TUBG2: variants seen among roughly 807,000 people sequenced by gnomAD.
TUBG2 encodes the protein tubulin gamma-2 chain.
In TUBG2, 39 loss-of-function variants were observed where a neutral mutation model predicts 55.1. The ratio of observed to expected loss-of-function variants is 0.71; its 90% CI spans 0.55 to 0.93. TUBG2 has a LOEUF of 0.93. Ranked by LOEUF, TUBG2 falls within the 40% of genes least tolerant of loss-of-function variation. TUBG2 has a pLI of 0.00. For missense variants in TUBG2, 358 were observed against 599.1 expected, an observed-to-expected ratio of 0.60 and a Z score of 4.20; for synonymous variants, 223 against 241.0, an observed-to-expected ratio of 0.93 and a Z score of 0.69.
intron 6 of TUBG2, among the ~76,000 whole-genome samples, chr17:42,664,874 T>C (rs1387947212): frequency 2.2e-5 from 3 of 137,534 alleles, no homozygotes; most frequent in Non-Finnish European, 4.8e-5. Context: ...ATATATATTA[T>C]ATATATTTAT....
intron 6 of TUBG2, among the ~76,000 whole-genome samples, chr17:42,664,632 T>C (rs989911758): frequency 6.6e-6 from 1 of 151,848 alleles, no homozygotes. Context: ...GAGTTAACTA[T>C]AATTTTCTGT....
At chr17:42,660,075 G>C (rs966974200) in intron 2 of TUBG2, 74 bp from the exon 3 acceptor site, 2 of 1,329,134 alleles carry the variant, frequency 1.5e-6, no homozygotes, top group African/African-American at 3.0e-5. Context: ...GGGCCGGAGG[G>C]AGCCAGAGTT....
chr17:42,663,320 G>A (rs895588248), intron 5 of TUBG2, 57 bp from the exon 6 acceptor site: 57 of 1,607,674 alleles, frequency 3.5e-5, no homozygotes, highest in Non-Finnish European at 4.8e-5. Flanking sequence ...TGGCACATAT[G>A]GGCAGTGATG....
chr17:42,660,747 C>G, intron 4 of TUBG2, 40 bp downstream of exon 4: 2 of 1,593,970 alleles, frequency 1.3e-6, no homozygotes, highest in Non-Finnish European at 1.7e-6. Context: ...GCAGGGAGGC[C>G]GAAGAGTGCT....
chr17:42,664,724 C>T (rs2052475228), intron 6 of TUBG2, among the ~76,000 whole-genome samples: 1 of 151,690 alleles, frequency 6.6e-6, no homozygotes, highest in Non-Finnish European at 1.5e-5. Context: ...TGTGGTCTTC[C>T]CAGAGCCAGG....
intron 5 of TUBG2, 146 bp downstream of exon 5, chr17:42,663,198 G>A: frequency 1.6e-6 from 2 of 1,265,046 alleles, no homozygotes; most frequent in Non-Finnish European, 2.2e-6. Context: ...AGCTATTTTG[G>A]GGGGTGGGGG....
intron 6 of TUBG2, among the ~76,000 whole-genome samples, chr17:42,664,608 A>G (rs1001424476): frequency 6.6e-5 from 10 of 151,788 alleles, no homozygotes; most frequent in Admixed American, 3.9e-4. Flanking sequence ...AGATTCCTAT[A>G]TGTGTATTTT....
intron 3 of TUBG2, 131 bp downstream of exon 3, chr17:42,660,447 C>A: frequency 6.7e-7 from 1 of 1,489,502 alleles, no homozygotes; most frequent in South Asian, 1.3e-5. Flanking sequence ...GAGGGACAGC[C>A]AGGGAGAGGT....
In TUBG2 at chr17:42,659,565, G is replaced by C. The variant is rs1567943590; in HGVS notation, c.49+13G>C. Reference sequence around the variant, plus strand: ...TGCGGCAACCAGAGTGAGCAAGCGAGCGCCGGCCCCGCCGGTCTCTGGTTC... The same window carrying C: ...TGCGGCAACCAGAGTGAGCAAGCGACCGCCGGCCCCGCCGGTCTCTGGTTC... On this transcript the variant is annotated intron_variant, in intron 1 of 10. Coordinates refer to ENST00000251412, the MANE Select transcript of TUBG2 (RefSeq NM_016437.3). 1 of 1,527,426 alleles carries C rather than the reference G, an allele frequency of 6.5e-7. No individual in the cohort carries two copies. The highest frequency in any genetic ancestry group is 1.3e-5 in the South Asian group (1 of 79,226). The allele number at this position is 1,527,426 out of a possible 1,614,324, so 94.6% of individuals were successfully genotyped here.
rs1461167127 is a variant in TUBG2 at position 42,665,564 on chromosome 17, T to C, written c.693+2T>C. The C allele has an allele frequency of 6.2e-7, 1 of 1,614,074 alleles. No homozygotes were observed. Among genetic ancestry groups the C allele is most frequent in the Admixed American group, 1.7e-5 (1 of 60,012 alleles). On this transcript the variant is annotated splice_donor_variant, in intron 7 of 10. Coordinates refer to ENST00000251412, the MANE Select transcript of TUBG2 (RefSeq NM_016437.3). LOFTEE classifies it high-confidence loss of function. Reference sequence around the variant, plus strand: ...TCCTTCTCCCAGATCAACCAGCTGGTGGGCCCCCACTCCCGGACTCCTTTG... The same window carrying C: ...TCCTTCTCCCAGATCAACCAGCTGGCGGGCCCCCACTCCCGGACTCCTTTG...
At chr17:42,663,159 G>T in intron 5 of TUBG2, 107 bp downstream of exon 5, 1 of 1,340,376 alleles carries the variant, frequency 7.5e-7, no homozygotes, top group Non-Finnish European at 1.0e-6. Context: ...TGAGTCATAG[G>T]GACAGACCCA....
At chr17:42,663,700 T>C (rs571374586) in intron 6 of TUBG2, among the ~76,000 whole-genome samples, 197 bp downstream of exon 6, 1 of 152,024 alleles carries the variant, frequency 6.6e-6, no homozygotes, top group Non-Finnish European at 1.5e-5. Context: ...TCCCAGCACT[T>C]TGGGAGGCTG....
chr17:42,662,927 A>G (rs372503832), intron 4 of TUBG2, 46 bp from the exon 5 acceptor site: 1 of 1,583,476 alleles, frequency 6.3e-7, no homozygotes, highest in Non-Finnish European at 8.7e-7. Context: ...GTGTTGTGAG[A>G]GTGTGGCAGG....
Position 42,666,398 on chromosome 17 carries a change from G to A in TUBG2, c.1072G>A (p.Val358Met). The A allele has an allele frequency of 6.2e-7, 1 of 1,614,214 alleles. No homozygotes were observed. Among genetic ancestry groups the A allele is most frequent in the Non-Finnish European group, 8.5e-7 (1 of 1,180,020 alleles). The change falls in exon 10 of 11, where the codon GTG (valine) becomes ATG (methionine). Residue 358 changes from valine (V) to methionine (M), a missense_variant. Transcript: ENST00000251412. ...CCCGTGGGGCCCCGCCAGCATCCAG[G>A]TGGCCCTGTCGAGGAAGTCTCCCTA... ...FIPWGPASIQ[V>M]ALSRKSPYLP...
Position 42,661,617 on chromosome 17 carries a change from C to A in TUBG2, c.399+910C>A, listed in dbSNP as rs533763665. Among the ~76,000 whole-genome samples, 16 of 152,384 alleles carry A rather than the reference C, an allele frequency of 1.0e-4. No individual in the cohort carries two copies. The South Asian group carries it at 2.9e-3, about 28-fold the overall frequency. ...TCCAGGAAGGTGAACAAGAACACAT[C>A]CACAGGCCAGGAGGGTGCAAACCCA... On this transcript the variant is annotated intron_variant, in intron 4 of 10. Coordinates refer to ENST00000251412, the MANE Select transcript of TUBG2 (RefSeq NM_016437.3).
In TUBG2 at chr17:42,666,387, C is replaced by T; in HGVS notation, c.1061C>T (p.Ala354Val). 6.2e-7 allele frequency: 1 copy of T among 1,614,222 alleles called. No individual in the cohort carries two copies. Among genetic ancestry groups the T allele is most frequent in the Middle Eastern group, 1.6e-4 (1 of 6,062 alleles). Reference sequence around the variant, plus strand: ...GCCAACTTCATCCCGTGGGGCCCCGCCAGCATCCAGGTGGCCCTGTCGAGG... The same window carrying T: ...GCCAACTTCATCCCGTGGGGCCCCGTCAGCATCCAGGTGGCCCTGTCGAGG... ...KLANFIPWGP[A>V]SIQVALSRKS... Residue 354 changes from alanine (A) to valine (V), a missense_variant, in exon 10 of 11, where the codon GCC (alanine) becomes GTC (valine). Ala to Val is a moderately conservative substitution (Grantham distance 64). Transcript: ENST00000251412.
Position 42,666,934 on chromosome 17 carries a change from C to A in TUBG2, c.*134C>A. Reference sequence around the variant, plus strand: ...CCAGCCCGTGAGCTGGTCCTGCTTCCTCCCTTCCATGCCCTAACTTTTAAT... The same window carrying A: ...CCAGCCCGTGAGCTGGTCCTGCTTCATCCCTTCCATGCCCTAACTTTTAAT... On this transcript the variant is annotated 3_prime_UTR_variant, in exon 11 of 11. Transcript: ENST00000251412. The A allele has an allele frequency of 1.1e-6, 1 of 876,354 alleles. No individual in the cohort carries two copies. The highest frequency in any genetic ancestry group is 1.7e-5 in the African/African-American group (1 of 59,482). The allele number at this position is 876,354 out of a possible 1,614,324, so 54.3% of individuals were successfully genotyped here.
At chr17:42,661,133 A>C (rs564720720) in intron 4 of TUBG2, 80 of 180,340 alleles carry the variant, frequency 4.4e-4, no homozygotes, top group African/African-American at 1.8e-3. Flanking sequence ...TAATTTCCTA[A>C]GGGACTAGAG....
chr17:42,663,948 A>ATAACAT (rs957343738), intron 6 of TUBG2, among the ~76,000 whole-genome samples: 6 of 148,958 alleles, frequency 4.0e-5, no homozygotes, highest in African/African-American at 7.4e-5. Context: ...GTCTCAAAAA[A>ATAACAT]AAAAAAAAAT....
Sources: gnomAD v4.1 joint callset for allele counts (sites outside exome capture counted in the v4.1 genomes callset) on GRCh38, gnomAD v4.1.1 for gene constraint, MANE v1.5 for transcripts, NCBI Gene and HGNC (gene_info 2026-07-23, HGNC 2026-07-21) for gene names.